Variants in ABCA13 observed in about 807,000 individuals in gnomAD.
The protein encoded by ABCA13 is ATP-binding cassette sub-family A member 13.
ABCA13 carries 476 observed loss-of-function variants against 478.7 expected under a neutral mutation model. The observed-to-expected ratio is 0.99, with a 90% CI of 0.92 to 1.07. The LOEUF is 1.07. Among genes scored for constraint, ABCA13 ranks in the 50% least tolerant of loss-of-function variants. The pLI is 0.00. For missense variants in ABCA13, 6,060 were observed against 5,910.6 expected (o/e 1.03, Z -0.83); for synonymous variants, 2,252 against 2,158.9 (o/e 1.04, Z -1.20).
intron 1 of ABCA13, among the ~76,000 whole-genome samples, chr7:48,187,665 T>C (rs890680502): frequency 3.9e-5 from 6 of 152,104 alleles, no homozygotes; most frequent in Admixed American, 6.5e-5. Flanking sequence ...GTATGTATTT[T>C]CTTTTTATGG....
intron 1 of ABCA13, among the ~76,000 whole-genome samples, chr7:48,188,595 A>G (rs147067514): frequency 0.019 from 2,912 of 151,764 alleles, 34 homozygotes; most frequent in Non-Finnish European, 0.03. Context: ...GTTTTTTTCT[A>G]TTAGGCAAAT....
chr7:48,563,048 T>A (rs561244536), intron 55 of ABCA13, among the ~76,000 whole-genome samples: 1 of 152,106 alleles, frequency 6.6e-6, no homozygotes, highest in Non-Finnish European at 1.5e-5. Context: ...GCTTTAGCAT[T>A]TGCATTTGGC....
chr7:48,513,152 A>G (rs1585659593), intron 51 of ABCA13, among the ~76,000 whole-genome samples: 1 of 152,216 alleles, frequency 6.6e-6, no homozygotes, highest in Non-Finnish European at 1.5e-5. Flanking sequence ...GAATTGGCTC[A>G]TGCCTGCTGT....
chr7:48,276,732 A>G (rs747780335), intron 17 of ABCA13, among the ~76,000 whole-genome samples, 167 bp downstream of exon 17: 10 of 152,226 alleles, frequency 6.6e-5, no homozygotes, highest in Non-Finnish European at 1.5e-4. Context: ...GTCAAGGTAA[A>G]AGAATTTTGA....
chr7:48,621,665 G>A (rs1793149230), intron 59 of ABCA13, among the ~76,000 whole-genome samples: 1 of 152,138 alleles, frequency 6.6e-6, no homozygotes, highest in South Asian at 2.1e-4. Context: ...CTTCTAAGTA[G>A]TTAAACAATG....
intron 42 of ABCA13, among the ~76,000 whole-genome samples, chr7:48,434,515 G>T (rs1179131113): frequency 6.6e-6 from 1 of 151,728 alleles, no homozygotes; most frequent in Non-Finnish European, 1.5e-5. Flanking sequence ...AATTTTGATG[G>T]AATTTAGCTT....
intron 55 of ABCA13, among the ~76,000 whole-genome samples, chr7:48,562,669 A>T (rs1288097655): frequency 6.6e-6 from 1 of 152,166 alleles, no homozygotes; most frequent in African/African-American, 2.4e-5. Context: ...AACATGAAAA[A>T]GGAACCACTG....
chr7:48,370,175 T>C (rs1812412455), intron 32 of ABCA13, among the ~76,000 whole-genome samples: 1 of 152,136 alleles, frequency 6.6e-6, no homozygotes, highest in South Asian at 2.1e-4. Flanking sequence ...GGTTGTGTTC[T>C]TGATTTGACT....
At chr7:48,637,110 G>A (rs1313621091) in intron 59 of ABCA13, among the ~76,000 whole-genome samples, 1 of 151,986 alleles carries the variant, frequency 6.6e-6, no homozygotes, top group South Asian at 2.1e-4. Flanking sequence ...ACTTAAAACT[G>A]CAGCAAAACA....
chr7:48,490,624 T>C (rs1314720922), intron 48 of ABCA13, among the ~76,000 whole-genome samples: 1 of 152,216 alleles, frequency 6.6e-6, no homozygotes, highest in African/African-American at 2.4e-5. Context: ...ATTCTAGGTC[T>C]TAGCAATGCA....
At chr7:48,366,747 C>G (rs1446382234) in intron 31 of ABCA13, among the ~76,000 whole-genome samples, 1 of 152,134 alleles carries the variant, frequency 6.6e-6, no homozygotes, top group African/African-American at 2.4e-5. Flanking sequence ...CTGCATTAAT[C>G]CATTCATGAG....
chr7:48,536,103 A>G (rs1563407054), intron 55 of ABCA13, among the ~76,000 whole-genome samples: 1 of 152,210 alleles, frequency 6.6e-6, no homozygotes, highest in Non-Finnish European at 1.5e-5. Flanking sequence ...CTTCACATGC[A>G]GCTGTCTGAG....
intron 59 of ABCA13, chr7:48,626,641 G>A: frequency 1.0e-6 from 1 of 985,472 alleles, no homozygotes; most frequent in Non-Finnish European, 1.2e-6. Context: ...TGGTGACCAA[G>A]CACATGGAGA....
At chr7:48,302,146 T>G (rs999459503) in intron 23 of ABCA13, among the ~76,000 whole-genome samples, 4 of 152,178 alleles carry the variant, frequency 2.6e-5, no homozygotes, top group African/African-American at 9.7e-5. Context: ...TGTGTTATTC[T>G]TCCATCACAT....
intron 59 of ABCA13, among the ~76,000 whole-genome samples, chr7:48,631,535 A>G (rs1179668270): frequency 3.3e-5 from 5 of 152,096 alleles, no homozygotes; most frequent in African/African-American, 1.2e-4. Flanking sequence ...TACCAGTACC[A>G]TGATGTTTTG....
At position 48,547,791 on chromosome 7, in the gene ABCA13, T is replaced by C. The variant is rs138188529; in HGVS notation, c.14354+19446T>C. Among the ~76,000 whole-genome samples the C allele has an allele frequency of 1.1e-4, 17 of 151,758 alleles. No individual in the cohort carries two copies. In the East Asian group the frequency reaches 2.9e-3, roughly 26 times the overall value. On this transcript the variant is annotated intron_variant, in intron 55 of 61. Transcript: ENST00000435803. ...AAATAGGTTTTATGTTAGATGATTT[T>C]GCCTAGCTGTAGGCTAATGTAAGTG... is the stretch of plus-strand genomic sequence containing the variant.
chr7:48,398,564 A>C (rs1259115317), intron 38 of ABCA13, among the ~76,000 whole-genome samples: 1 of 152,184 alleles, frequency 6.6e-6, no homozygotes, highest in Non-Finnish European at 1.5e-5. Flanking sequence ...TCCCTGCTAG[A>C]ATCTTTAGAG....
At chr7:48,433,716 T>C (rs908050366) in intron 42 of ABCA13, among the ~76,000 whole-genome samples, 2 of 151,916 alleles carry the variant, frequency 1.3e-5, no homozygotes, top group Non-Finnish European at 2.9e-5. Flanking sequence ...GAAACCACCA[T>C]TCTAGCCTGT....
At position 48,515,799 on chromosome 7, in the gene ABCA13, G is replaced by A. The variant is rs115942233; in HGVS notation, c.13641-926G>A. Among the ~76,000 whole-genome samples, 1,266 of 152,086 alleles carry A rather than the reference G, an allele frequency of 8.3e-3. 13 individuals carry two copies. Among genetic ancestry groups the A allele is most frequent in the African/African-American group, 0.029 (1,185 of 41,494 alleles). On this transcript the variant is annotated intron_variant, in intron 51 of 61. Transcript: ENST00000435803. ...TATTTTTAGGCCTTATTTTTTTTAC[G>A]TAGCTCTGCAGCTTTTTATATTCTT...
Sources: gnomAD v4.1 joint callset for allele counts (sites outside exome capture counted in the v4.1 genomes callset) on GRCh38, gnomAD v4.1.1 for gene constraint, MANE v1.5 for transcripts, NCBI Gene and HGNC (gene_info 2026-07-23, HGNC 2026-07-21) for gene names.